CDH11: variants seen among roughly 807,000 people sequenced by gnomAD.
CDH11 encodes the protein cadherin-11.
A neutral mutation model predicts 67.8 loss-of-function variants in CDH11; 11 were observed. The ratio of observed to expected loss-of-function variants is 0.16; its 90% confidence interval spans 0.10 to 0.27. CDH11 has a LOEUF of 0.27. Among genes scored for constraint, CDH11 ranks in the 10% least tolerant of loss-of-function variants. The pLI is 1.00. For synonymous variants in CDH11, 419 were observed against 400.0 expected (o/e 1.05, Z -0.57); for missense variants, 847 against 1,031.2 (o/e 0.82, Z 2.45).
chr16:65,107,068 A>G (rs1049420832), intron 1 of CDH11, among the ~76,000 whole-genome samples: 1 of 152,018 alleles, frequency 6.6e-6, no homozygotes, highest in Non-Finnish European at 1.5e-5. Flanking sequence ...TAACCTATGA[A>G]AGGCCCAGTC....
chr16:65,077,910 G>T (rs1228134525), intron 1 of CDH11, among the ~76,000 whole-genome samples: 1 of 152,188 alleles, frequency 6.6e-6, no homozygotes, highest in Non-Finnish European at 1.5e-5. Context: ...AAATGCATTT[G>T]TAGGCTCTCT....
intron 11 of CDH11, among the ~76,000 whole-genome samples, chr16:64,964,879 C>T (rs2071769906): frequency 6.6e-6 from 1 of 151,926 alleles, no homozygotes; most frequent in African/African-American, 2.4e-5. Context: ...TACATTTAGG[C>T]TACACTAAAC....
upstream of CDH11, chr16:65,122,095 G>A (rs2075343660): frequency 2.9e-6 from 1 of 341,850 alleles, no homozygotes; most frequent in Non-Finnish European, 5.6e-6. Context: ...GCAGGAATGA[G>A]AAACCGGGGG....
Position 64,946,085 on chromosome 16 carries a change from A to G in CDH11, c.*1518T>C. 15 of 1,058,024 alleles carry G rather than the reference A, an allele frequency of 1.4e-5. No individual in the cohort carries two copies. Among genetic ancestry groups the G allele is most frequent in the Non-Finnish European group, 1.6e-5 (14 of 874,698 alleles). The allele number at this position is 1,058,024 out of a possible 1,614,324, so 65.5% of individuals were successfully genotyped here. Reference sequence around the variant, plus strand: ...CCTGGACCAAATGGCATCGACTCTCAGAATCCAAAATGGTCCCTGCCCTCA... The same window carrying G: ...CCTGGACCAAATGGCATCGACTCTCGGAATCCAAAATGGTCCCTGCCCTCA... On this transcript the variant is annotated 3_prime_UTR_variant, in exon 13 of 13. Transcript: ENST00000268603.
intron 1 of CDH11, among the ~76,000 whole-genome samples, chr16:65,082,847 C>G (rs867175203): frequency 6.6e-6 from 1 of 152,148 alleles, no homozygotes; most frequent in Admixed American, 6.5e-5. Context: ...AAACCATTAC[C>G]TTCCTGGTAG....
rs2075333102 is a variant in CDH11 at position 65,121,660 on chromosome 16, G to A, written c.-298+220C>T. Among the ~76,000 whole-genome samples, 1 of 152,210 alleles carries A rather than the reference G, an allele frequency of 6.6e-6. No individual in the cohort carries two copies. Among genetic ancestry groups the A allele is most frequent in the Non-Finnish European group, 1.5e-5 (1 of 68,026 alleles). On this transcript the variant is annotated intron_variant, in intron 1 of 12. Transcript: ENST00000268603. This position sits in a 1 kb window ranked among gnomAD's most constrained non-coding sequence, Gnocchi z 4.1. ...CGCACATCTGAAGCCTCCGTCCCCT[G>A]CTTTGCCCGCGCCCACAGCTGGCTC...
At chr16:65,044,890 A>G (rs989472064) in intron 2 of CDH11, among the ~76,000 whole-genome samples, 4 of 152,078 alleles carry the variant, frequency 2.6e-5, no homozygotes, top group Non-Finnish European at 5.9e-5. Flanking sequence ...ATTTAGAGAA[A>G]TAATGCTGCG....
At chr16:65,047,850 C>G (rs1368704932) in intron 2 of CDH11, among the ~76,000 whole-genome samples, 1 of 152,142 alleles carries the variant, frequency 6.6e-6, no homozygotes, top group East Asian at 1.9e-4. Flanking sequence ...AATCCCTACT[C>G]ATGATCAAGT....
intron 2 of CDH11, among the ~76,000 whole-genome samples, chr16:65,005,677 G>T (rs1396712592): frequency 6.6e-6 from 1 of 152,106 alleles, no homozygotes; most frequent in African/African-American, 2.4e-5. Context: ...AGGTCTCTTT[G>T]GTAAATCAGT....
At chr16:65,023,216 T>C (rs2073462180) in intron 2 of CDH11, among the ~76,000 whole-genome samples, 1 of 152,122 alleles carries the variant, frequency 6.6e-6, no homozygotes, top group African/African-American at 2.4e-5. Flanking sequence ...TCAAAGCCAC[T>C]TACCCATCTG....
At position 65,005,049 on chromosome 16, in the gene CDH11, CAG is replaced by C. The variant is rs960609121; in HGVS notation, c.-172-10_-172-9del. ...CACGTCCCCAGTTAGCTTCTGCAAG[CAG>C]AGAGAGGTTGGATTAACTGCAGGCC... On this transcript the variant is annotated splice_polypyrimidine_tract_variant and intron_variant, in intron 2 of 12. Coordinates refer to ENST00000268603, the MANE Select transcript of CDH11 (RefSeq NM_001797.4). The C allele has an allele frequency of 7.5e-7, 1 of 1,341,700 alleles. No individual in the cohort carries two copies. The highest frequency in any genetic ancestry group is 1.5e-5 in the African/African-American group (1 of 66,234). 83.1% of individuals were successfully genotyped at this position (1,341,700 alleles called of 1,614,324 possible). A position where few individuals can be genotyped will look rare whatever the true frequency, so the allele number is the denominator to read the frequency against.
rs199861410 is a variant in CDH11 at position 65,000,349 on chromosome 16, TCCTCATTCTGC to T, written c.229-1504_229-1494del. On this transcript the variant is annotated intron_variant, in intron 3 of 12. Transcript: ENST00000268603. ...CTGTCTTTTAATCCGAGTTCCTTGG[TCCTCATTCTGC>T]CCTTTGTGGGAAAAAGTAAGCATTA... Among the ~76,000 whole-genome samples the T allele has an allele frequency of 2.2e-3, 341 of 152,308 alleles. 3 individuals are homozygous for T. The highest frequency in any genetic ancestry group is 7.5e-3 in the African/African-American group (313 of 41,560).
intron 1 of CDH11, among the ~76,000 whole-genome samples, chr16:65,099,888 G>T (rs1223671348): frequency 1.3e-5 from 2 of 152,058 alleles, no homozygotes; most frequent in African/African-American, 4.8e-5. Flanking sequence ...CAGTTGTGTG[G>T]AAGAGGTAGA....
At chr16:65,122,319 G>A (rs950391225), upstream of CDH11, 1 of 300,126 alleles carries the variant, frequency 3.3e-6, no homozygotes. Flanking sequence ...CGCCCCTCCC[G>A]CCCCGTGGCG....
intron 1 of CDH11, among the ~76,000 whole-genome samples, chr16:65,116,329 G>T (rs545738800): frequency 1.3e-5 from 2 of 152,318 alleles, no homozygotes; most frequent in East Asian, 3.9e-4. Flanking sequence ...AATGGAGGCT[G>T]AAATGAGATC....
chr16:65,072,705 G>A (rs975497791), intron 1 of CDH11, among the ~76,000 whole-genome samples: 13 of 152,182 alleles, frequency 8.5e-5, no homozygotes, highest in Non-Finnish European at 2.9e-5. Flanking sequence ...AATTGCTTTA[G>A]AACTTTAAAA....
At chr16:65,054,286 T>G (rs1485220741) in intron 1 of CDH11, among the ~76,000 whole-genome samples, 1 of 152,210 alleles carries the variant, frequency 6.6e-6, no homozygotes, top group African/African-American at 2.4e-5. Context: ...AGCCCATTTC[T>G]GATAGAACCT....
chr16:65,049,351 C>T (rs1156583774), intron 2 of CDH11, among the ~76,000 whole-genome samples: 1 of 152,126 alleles, frequency 6.6e-6, no homozygotes, highest in African/African-American at 2.4e-5. Context: ...GGAAGCACTA[C>T]AGTGCTGTGC....
intron 3 of CDH11, among the ~76,000 whole-genome samples, chr16:65,002,010 C>A (rs758230854): frequency 3.3e-5 from 5 of 152,166 alleles, no homozygotes; most frequent in South Asian, 2.1e-4. Context: ...AAGCACTCAA[C>A]CTTGAATGTC....
Sources: gnomAD v4.1 joint callset for allele counts (sites outside exome capture counted in the v4.1 genomes callset) on GRCh38, gnomAD v4.1.1 for gene constraint, Gnocchi (gnomAD v3.1) non-coding constraint, MANE v1.5 for transcripts, NCBI Gene and HGNC (gene_info 2026-07-23, HGNC 2026-07-21) for gene names.